The following PLCXD3 variants were observed in gnomAD, a reference collection of about 807,000 sequenced individuals.
The protein encoded by PLCXD3 is PI-PLC X domain-containing protein 3.
PLCXD3 carries 19 observed loss-of-function variants against 25.5 expected under a neutral mutation model. The ratio of observed to expected loss-of-function variants is 0.75; its 90% CI spans 0.52 to 1.09. The LOEUF is 1.09. PLCXD3 is among the 50% of genes least tolerant of loss of function. PLCXD3 has a pLI of 0.00. For missense variants in PLCXD3, 411 were observed against 388.1 expected (o/e 1.06, Z -0.50); for synonymous variants, 174 against 137.6 (o/e 1.26, Z -1.85).
chr5:41,457,695 T>C (rs1045171965), intron 1 of PLCXD3, among the ~76,000 whole-genome samples: 2 of 151,910 alleles, frequency 1.3e-5, no homozygotes, highest in African/African-American at 2.4e-5. Flanking sequence ...TCACCTGCTT[T>C]GTTTTGAAAC....
intron 1 of PLCXD3, among the ~76,000 whole-genome samples, chr5:41,461,215 G>T (rs1747866341): frequency 6.6e-6 from 1 of 151,866 alleles, no homozygotes; most frequent in Admixed American, 6.6e-5. Context: ...ATCAACAGGG[G>T]TACATCAGTG....
intron 1 of PLCXD3, among the ~76,000 whole-genome samples, chr5:41,484,245 G>GCACACA (rs751404561): frequency 1.6e-5 from 2 of 124,504 alleles, no homozygotes; most frequent in African/African-American, 6.9e-5. Flanking sequence ...CCTGGAACAT[G>GCACACA]CACACACACA....
intron 1 of PLCXD3, among the ~76,000 whole-genome samples, chr5:41,387,485 G>T (rs1010866570): frequency 1.3e-5 from 2 of 152,000 alleles, no homozygotes; most frequent in African/African-American, 4.8e-5. Context: ...AGTGTCATAC[G>T]AGTATTACAG....
chr5:41,488,651 G>T (rs1454240984), intron 1 of PLCXD3, among the ~76,000 whole-genome samples: 1 of 146,468 alleles, frequency 6.8e-6, no homozygotes, highest in East Asian at 2.0e-4. Context: ...TCTCATTGTG[G>T]TTTTGATTTG....
At position 41,357,322 on chromosome 5, in the gene PLCXD3, T is replaced by C. The variant is rs934015504; in HGVS notation, c.812+24504A>G. ...TACTGTATATTGAATTTTTAAAAAG[T>C]TGTTATCAATTAAAAAATTGTTATT... On this transcript the variant is annotated intron_variant, in intron 2 of 2. Coordinates refer to ENST00000377801, the MANE Select transcript of PLCXD3 (RefSeq NM_001005473.3). 3.3e-5 allele frequency among the ~76,000 whole-genome samples: 5 copies of C among 152,226 alleles called. No individual in the cohort carries two copies. The East Asian group carries it at 9.6e-4, about 29-fold the overall frequency.
intron 1 of PLCXD3, among the ~76,000 whole-genome samples, chr5:41,430,872 A>G (rs1747082369): frequency 6.6e-6 from 1 of 152,200 alleles, no homozygotes; most frequent in Admixed American, 6.5e-5. Flanking sequence ...GGAGAATTTG[A>G]TTCCTGAAAC....
At chr5:41,394,865 T>C (rs1175084226) in intron 1 of PLCXD3, among the ~76,000 whole-genome samples, 1 of 152,050 alleles carries the variant, frequency 6.6e-6, no homozygotes, top group African/African-American at 2.4e-5. Context: ...TAGGCCCCAA[T>C]ACAGTAATAG....
At chr5:41,483,648 C>A (rs1364421330) in intron 1 of PLCXD3, among the ~76,000 whole-genome samples, 1 of 151,900 alleles carries the variant, frequency 6.6e-6, no homozygotes, top group Non-Finnish European at 1.5e-5. Flanking sequence ...GGCTGTACAA[C>A]AATGTGAATG....
At chr5:41,405,086 A>G (rs1021882319) in intron 1 of PLCXD3, among the ~76,000 whole-genome samples, 1 of 152,158 alleles carries the variant, frequency 6.6e-6, no homozygotes, top group Non-Finnish European at 1.5e-5. Flanking sequence ...TTCTACATAT[A>G]TAATACCTCC....
At chr5:41,482,627 A>G (rs557822466) in intron 1 of PLCXD3, among the ~76,000 whole-genome samples, 1 of 152,360 alleles carries the variant, frequency 6.6e-6, no homozygotes, top group South Asian at 2.1e-4. Context: ...TTGGCCATGT[A>G]GCTGGAAGCA....
At chr5:41,398,171 G>A (rs561277880) in intron 1 of PLCXD3, among the ~76,000 whole-genome samples, 1 of 152,292 alleles carries the variant, frequency 6.6e-6, no homozygotes, top group Admixed American at 6.5e-5. Context: ...TTGGTTTTGT[G>A]TCCCCATCCA....
At chr5:41,352,565 T>C (rs1421350200) in intron 2 of PLCXD3, among the ~76,000 whole-genome samples, 1 of 152,214 alleles carries the variant, frequency 6.6e-6, no homozygotes, top group African/African-American at 2.4e-5. Context: ...CCTATTTTTC[T>C]GAATGTACTT....
rs1038895915 is a variant in PLCXD3, at chr5:41,331,029, C to G, written c.813-17259G>C. Among the ~76,000 whole-genome samples the G allele has an allele frequency of 3.3e-5, 5 of 151,842 alleles. No homozygotes were observed. The South Asian group carries it at 6.2e-4, about 19-fold the overall frequency. On this transcript the variant is annotated intron_variant, in intron 2 of 2. Transcript: ENST00000377801. ...AAACTGGAAGCATTCCCTTTGAAAA[C>G]TGGCACAAGACAGGGATGCCCTCTC... is the stretch of plus-strand genomic sequence containing the variant.
rs1332098842 is a variant in PLCXD3, at chr5:41,426,693, C to G, written c.104-44159G>C. Among the ~76,000 whole-genome samples, 5 of 152,046 alleles carry G rather than the reference C, an allele frequency of 3.3e-5. No individual in the cohort carries two copies. In the East Asian group the frequency reaches 9.6e-4, roughly 29 times the overall value. ...TTCTCTGCCCAAATGAATTATCAAG[C>G]TTTACAGTTCATATTCATTTAGATT... On this transcript the variant is annotated intron_variant, in intron 1 of 2. Coordinates refer to ENST00000377801, the MANE Select transcript of PLCXD3 (RefSeq NM_001005473.3).
At chr5:41,412,190 G>T (rs1247707181) in intron 1 of PLCXD3, among the ~76,000 whole-genome samples, 2 of 151,952 alleles carry the variant, frequency 1.3e-5, no homozygotes, top group Non-Finnish European at 2.9e-5. Context: ...TCTTACTCAT[G>T]TTTGGTCTCT....
At chr5:41,341,035 ATACT>A (rs1205675600) in intron 2 of PLCXD3, among the ~76,000 whole-genome samples, 1 of 152,218 alleles carries the variant, frequency 6.6e-6, no homozygotes, top group Non-Finnish European at 1.5e-5. Flanking sequence ...TGCTGACAAA[ATACT>A]TACCAGTTTT....
intron 2 of PLCXD3, among the ~76,000 whole-genome samples, chr5:41,320,989 A>G: frequency 6.6e-6 from 1 of 152,240 alleles, no homozygotes; most frequent in East Asian, 1.9e-4. Flanking sequence ...CACAGCTAGT[A>G]TCATACTGAA....
chr5:41,405,748 C>T (rs1298140341), intron 1 of PLCXD3, among the ~76,000 whole-genome samples: 2 of 152,076 alleles, frequency 1.3e-5, no homozygotes, highest in African/African-American at 4.8e-5. Flanking sequence ...ATTAGGCAAT[C>T]ATTGGTCCAA....
intron 1 of PLCXD3, among the ~76,000 whole-genome samples, chr5:41,481,246 T>C (rs1210782749): frequency 1.3e-5 from 2 of 152,084 alleles, no homozygotes; most frequent in Non-Finnish European, 2.9e-5. Context: ...ATGGGAATGA[T>C]ATTGACTATA....
Sources: allele counts gnomAD v4.1 joint callset (sites outside exome capture counted in the v4.1 genomes callset), GRCh38; gene constraint gnomAD v4.1.1; transcripts MANE v1.5; gene names NCBI Gene and HGNC (gene_info 2026-07-23, HGNC 2026-07-21).